The following ARLN variants were observed in gnomAD, a reference collection of about 807,000 sequenced individuals.
ARLN encodes the protein allregulin, also known as sarcoplasmic/endoplasmic reticulum calcium ATPase regulator ARLN.
the ARLN span, among the ~76,000 whole-genome samples, chr4:119,304,075 A>C: frequency 6.6e-6 from 1 of 152,148 alleles, no homozygotes; most frequent in Admixed American, 6.5e-5. Context: ...CATGGAAACT[A>C]TTCTCTTGGC....
the ARLN span, chr4:119,296,681 C>T: frequency 6.6e-6 from 1 of 152,144 alleles, no homozygotes. Flanking sequence ...CCTTTTTATT[C>T]CAGCTAGGCC....
chr4:119,299,751 G>A, the ARLN span, among the ~76,000 whole-genome samples: 1 of 152,208 alleles, frequency 6.6e-6, no homozygotes, highest in Admixed American at 6.5e-5. Flanking sequence ...TTTCTGGGAG[G>A]TAACGGTGGA....
the ARLN span, among the ~76,000 whole-genome samples, chr4:119,298,959 A>G: frequency 6.6e-6 from 1 of 152,126 alleles, no homozygotes; most frequent in Non-Finnish European, 1.5e-5. Context: ...AACCCACTGT[A>G]TTTGAGATTA....
the ARLN span, chr4:119,297,965 C>A: frequency 6.6e-6 from 1 of 152,406 alleles, no homozygotes; most frequent in Non-Finnish European, 1.5e-5. Flanking sequence ...ATGCCTGGCT[C>A]AAATATTTGT....
the ARLN span, chr4:119,296,612 G>C: frequency 6.6e-6 from 1 of 152,160 alleles, no homozygotes; most frequent in Non-Finnish European, 1.5e-5. Context: ...CAATGTCCAA[G>C]GATAGAACAT....
the ARLN span, among the ~76,000 whole-genome samples, chr4:119,302,609 G>A: frequency 2.0e-5 from 3 of 152,224 alleles, no homozygotes; most frequent in Non-Finnish European, 2.9e-5. Context: ...TTCACTGTCA[G>A]TCATGCAATA....
At chr4:119,300,583 G>C in the ARLN span, 2 of 1,613,806 alleles carry the variant, frequency 1.2e-6, no homozygotes, top group South Asian at 2.2e-5. Context: ...AAATGCTTAA[G>C]TTCCCGGACT....
At chr4:119,302,177 T>C in the ARLN span, among the ~76,000 whole-genome samples, 1 of 152,204 alleles carries the variant, frequency 6.6e-6, no homozygotes, top group African/African-American at 2.4e-5. Flanking sequence ...ATTATTAGTG[T>C]TGAAGAAGCA....
chr4:119,304,409 G>A, the ARLN span: 1 of 1,536,524 alleles, frequency 6.5e-7, no homozygotes, highest in Non-Finnish European at 8.7e-7. Context: ...TTCTGTAATG[G>A]TCTCCTATTA....
chr4:119,304,312 G>T, the ARLN span: 195 of 1,537,004 alleles, frequency 1.3e-4, no homozygotes, highest in Non-Finnish European at 1.6e-4. Context: ...TGGGGAGAGG[G>T]TTATTTTCTC....
the ARLN span, among the ~76,000 whole-genome samples, chr4:119,301,372 T>C: frequency 6.6e-6 from 1 of 151,610 alleles, no homozygotes; most frequent in Non-Finnish European, 1.5e-5. Context: ...TGCAGTGAGC[T>C]GAGATCGTGC....
chr4:119,304,288 T>C, the ARLN span: 14 of 1,537,074 alleles, frequency 9.1e-6, no homozygotes, highest in South Asian at 1.5e-4. Flanking sequence ...ACCTTCTATG[T>C]CATGTTTTCT....
chr4:119,302,234 G>T, the ARLN span, among the ~76,000 whole-genome samples: 1 of 152,128 alleles, frequency 6.6e-6, no homozygotes, highest in Non-Finnish European at 1.5e-5. Flanking sequence ...CTTGTCTTTG[G>T]CCCAGAGTCA....
the ARLN span, chr4:119,300,424 C>T: frequency 6.2e-7 from 1 of 1,613,850 alleles, no homozygotes; most frequent in Non-Finnish European, 8.5e-7. Context: ...TTGGGAAGCC[C>T]ATTTGCCCCA....
At chr4:119,301,338 C>G in the ARLN span, among the ~76,000 whole-genome samples, 1 of 151,342 alleles carries the variant, frequency 6.6e-6, no homozygotes, top group African/African-American at 2.4e-5. Flanking sequence ...GCAGGAGAAT[C>G]GCTTGAACCC....
the ARLN span, chr4:119,298,797 T>C: frequency 6.4e-6 from 5 of 775,654 alleles, no homozygotes; most frequent in Admixed American, 1.7e-5. Context: ...AAGCAAGTAT[T>C]TGTCAGCAAT....
the ARLN span, chr4:119,300,236 C>T: frequency 1.1e-6 from 1 of 949,400 alleles, no homozygotes; most frequent in Non-Finnish European, 1.6e-6. Flanking sequence ...TGATCTTGGA[C>T]ATATATAAAC....
At chr4:119,301,512 A>G in the ARLN span, among the ~76,000 whole-genome samples, 2 of 152,182 alleles carry the variant, frequency 1.3e-5, no homozygotes, top group Non-Finnish European at 2.9e-5. Flanking sequence ...TAGCAGGAAG[A>G]AAATGACCTA....
At chr4:119,300,354 A>C in the ARLN span, 1 of 1,609,872 alleles carries the variant, frequency 6.2e-7, no homozygotes, top group Non-Finnish European at 8.5e-7. Context: ...AAAATACACA[A>C]AGAGAAACAC....
Sources: gnomAD v4.1 joint callset for allele counts (sites outside exome capture counted in the v4.1 genomes callset) on GRCh38, gnomAD v4.1.1 for gene constraint, MANE v1.5 for transcripts, NCBI Gene and HGNC (gene_info 2026-07-23, HGNC 2026-07-21) for gene names.